The following DST variants were observed in gnomAD, a reference collection of about 807,000 sequenced individuals.
The protein encoded by DST is bullous pemphigoid antigen.
Under a neutral mutation model 875.2 loss-of-function variants are expected in DST, and 253 were observed. That is an observed-to-expected ratio of 0.29 (90% CI 0.26 to 0.32). The LOEUF (loss-of-function observed/expected upper bound fraction) is 0.32. DST is among the 10% of genes least tolerant of loss of function. The pLI is 1.00. For missense variants in DST, 8,287 were observed against 9,111.6 expected (o/e 0.91, Z 3.68); for synonymous variants, 3,124 against 3,197.1 (o/e 0.98, Z 0.77).
At chr6:56,712,696 C>G (rs1344904584) in intron 5 of DST, among the ~76,000 whole-genome samples, 1 of 152,106 alleles carries the variant, frequency 6.6e-6, no homozygotes, top group Non-Finnish European at 1.5e-5. Context: ...AGAGATTCCA[C>G]TATATTTTTA....
intron 23 of DST, 57 bp from the exon 24 acceptor site, chr6:56,635,771 G>A (rs1359818897): frequency 2.5e-6 from 4 of 1,590,014 alleles, no homozygotes; most frequent in Non-Finnish European, 3.4e-6. Context: ...AAAGCACACA[G>A]TTGTCACACT....
chr6:56,700,200 G>A (rs1457094346), intron 8 of DST, among the ~76,000 whole-genome samples: 3 of 152,154 alleles, frequency 2.0e-5, no homozygotes, highest in African/African-American at 7.2e-5. Context: ...GATGATCCGA[G>A]GTGAAACAGT....
Position 56,701,945 on chromosome 6 carries a change from C to T in DST, c.897G>A (p.Met299Ile). ...GTACATTCTGTAGTCTGTGAAAACG[C>T]ATCCGACCTTTTTCTCTGGGCTAAG... ...EDKGPREKGR[M>I]RFHRLQNVQI... The change falls in exon 8 of 104, where the codon ATG becomes ATA. Residue 299 changes from methionine to isoleucine, a missense_variant. Coordinates refer to ENST00000680361, the MANE Select transcript of DST (RefSeq NM_001374736.1). 1 of 1,611,524 alleles carries T rather than the reference C, an allele frequency of 6.2e-7. No homozygotes were observed. The highest frequency in any genetic ancestry group is 2.2e-5 in the East Asian group (1 of 44,752).
intron 4 of DST, among the ~76,000 whole-genome samples, chr6:56,784,321 T>C (rs1436464847): frequency 6.6e-6 from 1 of 152,240 alleles, no homozygotes; most frequent in Non-Finnish European, 1.5e-5. Flanking sequence ...GCAGAGTGTT[T>C]TCCAACTTGG....
chr6:56,832,342 T>C (rs1562076322), intron 4 of DST, among the ~76,000 whole-genome samples: 1 of 152,142 alleles, frequency 6.6e-6, no homozygotes, highest in Non-Finnish European at 1.5e-5. Context: ...TAGAACTTAC[T>C]AGTTCTAGTA....
intron 5 of DST, among the ~76,000 whole-genome samples, chr6:56,712,071 A>ACAGAGCGAGACT (rs1409265506): frequency 7.1e-6 from 1 of 141,792 alleles, no homozygotes; most frequent in Admixed American, 6.9e-5. Flanking sequence ...AGCCTGGGCG[A>ACAGAGCGAGACT]CAGAGCGAGA....
chr6:56,916,634 C>A (rs1302397845), intron 2 of DST, among the ~76,000 whole-genome samples: 1 of 151,652 alleles, frequency 6.6e-6, no homozygotes, highest in Non-Finnish European at 1.5e-5. Flanking sequence ...ACACCTGTAG[C>A]CCCAGCTATC....
chr6:56,614,234 T>C (rs2098588633), intron 37 of DST, 122 bp downstream of exon 37: 1 of 840,800 alleles, frequency 1.2e-6, no homozygotes. Flanking sequence ...ATTTGCATTA[T>C]ATTGGGCTAT....
Position 56,704,286 on chromosome 6 carries a change from A to G in DST, c.771T>C (p.Asp257=). The change falls in exon 6 of 104, where the codon GAT becomes GAC. Residue 257 remains aspartate (D), a synonymous_variant. Coordinates refer to ENST00000680361, the MANE Select transcript of DST (RefSeq NM_001374736.1). ...TAAGAAAGTTAAAACTTACCAAGGT[A>G]TCTCCTGAAAGAACCTCTAAAAGAG... ...LISLLEVLSG[D]TLPRERDFLK... is the part of the protein sequence containing the mutation. 2.0e-6 allele frequency: 3 copies of G among 1,493,248 alleles called. No individual in the cohort carries two copies. The highest frequency in any genetic ancestry group is 1.2e-5 in the South Asian group (1 of 80,894). 92.5% of individuals were successfully genotyped at this position (1,493,248 alleles called of 1,614,324 possible). A position where few individuals can be genotyped will look rare whatever the true frequency, so the allele number is the denominator to read the frequency against.
At chr6:56,634,731 C>T in intron 25 of DST, 70 bp downstream of exon 25, 1 of 1,598,178 alleles carries the variant, frequency 6.3e-7, no homozygotes, top group East Asian at 2.2e-5. Flanking sequence ...CACTAGTTAG[C>T]AATATGATCT....
intron 16 of DST, 151 bp downstream of exon 16, chr6:56,642,259 G>C: frequency 1.2e-6 from 1 of 867,484 alleles, no homozygotes; most frequent in Non-Finnish European, 1.9e-6. Context: ...TCTCTCAAGA[G>C]AGCAAACACC....
At chr6:56,950,188 T>C (rs890214010) in intron 2 of DST, among the ~76,000 whole-genome samples, 3 of 152,198 alleles carry the variant, frequency 2.0e-5, no homozygotes, top group Non-Finnish European at 2.9e-5. Flanking sequence ...CTTAACTCTT[T>C]TGGTTCCTTT....
At position 56,511,226 on chromosome 6, in the gene DST, G is replaced by A. The variant is rs562995135; in HGVS notation, c.18751C>T (p.Leu6251=). 1 of 1,588,888 alleles carries A rather than the reference G, an allele frequency of 6.3e-7. No individual in the cohort carries two copies. Among genetic ancestry groups the A allele is most frequent in the African/African-American group, 1.3e-5 (1 of 74,744 alleles). Residue 6251 remains leucine, a synonymous_variant, in exon 73 of 104, where the codon CTG becomes TTG. Transcript: ENST00000680361. The part of the protein sequence containing the change: ...KEDVKKRAVA[L]DEAISQSTQF... ...GTTGATTGAGAAATGGCTTCATCCA[G>A]TGCCACAGCACGCTTTTTGACATCT... is the stretch of plus-strand genomic sequence containing the variant.
chr6:56,586,476 G>A (rs1293532565), intron 49 of DST, among the ~76,000 whole-genome samples: 1 of 150,424 alleles, frequency 6.6e-6, no homozygotes, highest in Non-Finnish European at 1.5e-5. Flanking sequence ...CTTTTATTTT[G>A]AGCCTATGTG....
chr6:56,623,035 G>A (rs556518408), intron 36 of DST, among the ~76,000 whole-genome samples: 46 of 152,230 alleles, frequency 3.0e-4, no homozygotes, highest in African/African-American at 1.1e-3. Flanking sequence ...TTCCATTAAC[G>A]TAATGTTAAG....
At chr6:56,706,128 A>G (rs1362443066) in intron 5 of DST, among the ~76,000 whole-genome samples, 1 of 152,192 alleles carries the variant, frequency 6.6e-6, no homozygotes, top group East Asian at 1.9e-4. Flanking sequence ...AGCCTGGCCA[A>G]CGTGGTGAAA....
At chr6:56,555,931 T>C (rs2152560213) in intron 59 of DST, 91 bp from the exon 60 acceptor site, 1 of 1,283,384 alleles carries the variant, frequency 7.8e-7, no homozygotes, top group Non-Finnish European at 1.0e-6. Flanking sequence ...AAATGGTAAT[T>C]ATTTCTCCAG....
intron 36 of DST, chr6:56,620,857 C>T (rs996439024): frequency 1.3e-6 from 1 of 771,410 alleles, no homozygotes; most frequent in Non-Finnish European, 2.2e-6. Context: ...AGCAGCATCA[C>T]CTTCTTCAGA....
chr6:56,627,105 T>A, intron 34 of DST, 99 bp downstream of exon 34: 1 of 948,558 alleles, frequency 1.1e-6, no homozygotes, highest in Admixed American at 1.7e-5. Flanking sequence ...ATGAAGATTC[T>A]TTTAAACACT....
Sources: gnomAD v4.1 joint callset for allele counts (sites outside exome capture counted in the v4.1 genomes callset) on GRCh38, gnomAD v4.1.1 for gene constraint, MANE v1.5 for transcripts, NCBI Gene and HGNC (gene_info 2026-07-23, HGNC 2026-07-21) for gene names.